CHRM3: variants seen among roughly 807,000 people sequenced by gnomAD.
CHRM3 encodes cholinergic receptor muscarinic 3, also known as muscarinic acetylcholine receptor M3.
A neutral mutation model predicts 41.8 loss-of-function variants in CHRM3; 11 were observed. The observed-to-expected ratio is 0.26, with a 90% confidence interval of 0.17 to 0.44. CHRM3 has a LOEUF of 0.44. Among genes scored for constraint, CHRM3 ranks in the 20% least tolerant of loss-of-function variants. The pLI, the probability that CHRM3 is intolerant of heterozygous loss-of-function variation, is 1.00. For synonymous variants in CHRM3, 297 were observed against 301.4 expected (o/e 0.99, Z 0.15); for missense variants, 571 against 745.4 (o/e 0.77, Z 2.72).
At chr1:239,899,428 T>G (rs1045962922) in intron 6 of CHRM3, among the ~76,000 whole-genome samples, 4 of 151,336 alleles carry the variant, frequency 2.6e-5, no homozygotes, top group African/African-American at 9.7e-5. Flanking sequence ...CACACATATC[T>G]ATACACATGT....
intron 3 of CHRM3, among the ~76,000 whole-genome samples, chr1:239,578,693 T>C (rs1164907536): frequency 2.6e-5 from 4 of 152,196 alleles, no homozygotes; most frequent in Admixed American, 1.3e-4. Context: ...CTCCATTAAT[T>C]GCTATCTTTT....
At chr1:239,736,118 A>G (rs1664372245) in intron 5 of CHRM3, among the ~76,000 whole-genome samples, 1 of 152,124 alleles carries the variant, frequency 6.6e-6, no homozygotes, top group South Asian at 2.1e-4. Context: ...CCCTATGTGC[A>G]CATGTAACTA....
chr1:239,848,278 T>A (rs1206869510), intron 6 of CHRM3, among the ~76,000 whole-genome samples: 1 of 152,172 alleles, frequency 6.6e-6, no homozygotes, highest in African/African-American at 2.4e-5. Context: ...TTTATGCCAT[T>A]CAAAATTATT....
At chr1:239,496,563 C>T (rs1169713878) in intron 2 of CHRM3, among the ~76,000 whole-genome samples, 4 of 148,080 alleles carry the variant, frequency 2.7e-5, no homozygotes, top group East Asian at 4.0e-4. Flanking sequence ...ATATATTATA[C>T]GGTTGTATCT....
intron 6 of CHRM3, among the ~76,000 whole-genome samples, chr1:239,896,496 T>C (rs1298162358): frequency 2.0e-5 from 3 of 152,218 alleles, no homozygotes; most frequent in African/African-American, 2.4e-5. Context: ...GATTCCTTTT[T>C]TGCTGGGTGG....
chr1:239,517,834 A>G lies in CHRM3; in HGVS notation c.-422+25027A>G, dbSNP rs990465734. On this transcript the variant is annotated intron_variant, in intron 2 of 6. Transcript: ENST00000676153. Reference sequence around the variant, plus strand: ...CGGGAATAAATAATCAATGCCTGTGATGAGATAAAGACAGTTTCTTCCCAG... The same window carrying G: ...CGGGAATAAATAATCAATGCCTGTGGTGAGATAAAGACAGTTTCTTCCCAG... 7.2e-5 allele frequency among the ~76,000 whole-genome samples: 11 copies of G among 152,294 alleles called. No homozygotes were observed. In the South Asian group the frequency reaches 1.2e-3, roughly 17 times the overall value.
At chr1:239,619,450 A>G (rs1668109855) in intron 3 of CHRM3, among the ~76,000 whole-genome samples, 1 of 152,160 alleles carries the variant, frequency 6.6e-6, no homozygotes. Context: ...AAATATAGCT[A>G]CTTTCTAGTA....
chr1:239,562,144 G>T (rs1052982807), intron 3 of CHRM3, among the ~76,000 whole-genome samples: 2 of 152,086 alleles, frequency 1.3e-5, no homozygotes, highest in Non-Finnish European at 1.5e-5. Context: ...CATCTTTCTC[G>T]ACAGCAACCA....
intron 4 of CHRM3, among the ~76,000 whole-genome samples, chr1:239,677,284 A>G (rs1658105850): frequency 6.6e-6 from 1 of 152,238 alleles, no homozygotes; most frequent in East Asian, 1.9e-4. Context: ...CCTGCTTCAT[A>G]TTATTTGCTT....
chr1:239,666,335 CG>C (rs1673803830), intron 4 of CHRM3, among the ~76,000 whole-genome samples: 1 of 148,006 alleles, frequency 6.8e-6, no homozygotes, highest in Non-Finnish European at 1.5e-5. Flanking sequence ...GCTGGGACTA[CG>C]GGTGCCTGCC....
chr1:239,880,458 T>C (rs1040884604), intron 6 of CHRM3, among the ~76,000 whole-genome samples: 22 of 152,344 alleles, frequency 1.4e-4, no homozygotes, highest in African/African-American at 5.3e-4. Flanking sequence ...AGTTTAGTTA[T>C]ATATTATTTG....
In CHRM3 at chr1:239,914,558, TAACTCTGTTTTTTATCCCTAG is replaced by T. The variant is rs1680543164; in HGVS notation, c.*5340_*5360del. On this transcript the variant is annotated 3_prime_UTR_variant, in exon 7 of 7. Coordinates refer to ENST00000676153, the MANE Select transcript of CHRM3 (RefSeq NM_001375978.1). Reference sequence around the variant, plus strand: ...AGAGTCCAAAGAGGAAAAAGAAAATTAACTCTGTTTTTTATCCCTAGAACTCAGAAACTTTACTGGATTGGT... The same window carrying T: ...AGAGTCCAAAGAGGAAAAAGAAAATTAACTCAGAAACTTTACTGGATTGGT... The T allele has an allele frequency of 6.0e-6, 1 of 167,062 alleles. No homozygotes were observed. The highest frequency in any genetic ancestry group is 2.4e-5 in the African/African-American group (1 of 41,460). The allele number at this position is 167,062 out of a possible 1,614,324, so 10.3% of individuals were successfully genotyped here. A position where few individuals can be genotyped will look rare whatever the true frequency, so the allele number is the denominator to read the frequency against.
chr1:239,738,369 C>T (rs1244673272), intron 5 of CHRM3, among the ~76,000 whole-genome samples: 6 of 152,096 alleles, frequency 3.9e-5, no homozygotes, highest in Non-Finnish European at 7.3e-5. Context: ...AGTGCCCTGT[C>T]GGGAGAGCCC....
intron 2 of CHRM3, among the ~76,000 whole-genome samples, chr1:239,532,262 C>T (rs1157252700): frequency 1.4e-5 from 2 of 145,052 alleles, no homozygotes; most frequent in Non-Finnish European, 3.0e-5. Context: ...CCGCCCACCT[C>T]GGCCTCCCAA....
chr1:239,490,506 A>T (rs1351441388), intron 1 of CHRM3, among the ~76,000 whole-genome samples: 1 of 152,058 alleles, frequency 6.6e-6, no homozygotes, highest in East Asian at 1.9e-4. Flanking sequence ...CAAGCACAAG[A>T]CCTAATGATT....
chr1:239,785,601 A>C (rs1668830842), intron 5 of CHRM3, among the ~76,000 whole-genome samples: 1 of 152,050 alleles, frequency 6.6e-6, no homozygotes, highest in Non-Finnish European at 1.5e-5. Context: ...TCAGTGCAGA[A>C]TTTCTTTCTT....
chr1:239,813,916 C>CAAAAAAAAAAAAAAAAAAA (rs67147618), intron 5 of CHRM3, among the ~76,000 whole-genome samples: 4 of 103,212 alleles, frequency 3.9e-5, no homozygotes, highest in African/African-American at 2.0e-4. Flanking sequence ...GACTCCGTCT[C>CAAAAAAAAAAAAAAAAAAA]AAAAAAAAAA....
chr1:239,422,573 A>G (rs1572241615), intron 1 of CHRM3, among the ~76,000 whole-genome samples: 1 of 152,122 alleles, frequency 6.6e-6, no homozygotes, highest in African/African-American at 2.4e-5. Flanking sequence ...AGGCAGGCGG[A>G]TCATGAGGTC....
chr1:239,901,602 A>G (rs1189147331), intron 6 of CHRM3, among the ~76,000 whole-genome samples: 1 of 152,128 alleles, frequency 6.6e-6, no homozygotes, highest in African/African-American at 2.4e-5. Context: ...ACTAAATTTT[A>G]TCGTGTTGTA....
Sources: allele counts gnomAD v4.1 joint callset (sites outside exome capture counted in the v4.1 genomes callset), GRCh38; gene constraint gnomAD v4.1.1; transcripts MANE v1.5; gene names NCBI Gene and HGNC (gene_info 2026-07-23, HGNC 2026-07-21).